Variants in PARVB observed in about 807,000 individuals in gnomAD.
The protein encoded by PARVB is beta-parvin.
A neutral mutation model predicts 47.0 loss-of-function variants in PARVB; 46 were observed. The observed-to-expected ratio is 0.98, with a 90% CI of 0.77 to 1.25. PARVB has a LOEUF of 1.25. Among genes scored for constraint, PARVB ranks in the 50% most tolerant of loss-of-function variants. PARVB has a pLI of 0.00. For missense variants in PARVB, 473 were observed against 471.6 expected (o/e 1.00, Z -0.03); for synonymous variants, 196 against 196.3 (o/e 1.00, Z 0.01).
At chr22:44,083,472 T>C (rs917708166) in intron 1 of PARVB, among the ~76,000 whole-genome samples, 4 of 151,654 alleles carry the variant, frequency 2.6e-5, no homozygotes, top group Non-Finnish European at 5.9e-5. Flanking sequence ...GGGAATAGGG[T>C]TTGTCATTGT....
chr22:44,015,561 G>A (rs2050567474), intron 2 of PARVB, among the ~76,000 whole-genome samples: 1 of 152,200 alleles, frequency 6.6e-6, no homozygotes, highest in Non-Finnish European at 1.5e-5. Context: ...ACTCATGCCT[G>A]TAATCCCAGC....
At chr22:44,001,122 C>A (rs762512978) in intron 2 of PARVB, among the ~76,000 whole-genome samples, 6 of 152,036 alleles carry the variant, frequency 3.9e-5, no homozygotes, top group Non-Finnish European at 8.8e-5. Flanking sequence ...TGGTGGTGGG[C>A]GCCTGTAGTC....
At chr22:44,012,071 C>T (rs975228276) in intron 2 of PARVB, among the ~76,000 whole-genome samples, 1 of 152,204 alleles carries the variant, frequency 6.6e-6, no homozygotes, top group Non-Finnish European at 1.5e-5. Flanking sequence ...CCCATTTTCT[C>T]ATAGCTGGTC....
intron 5 of PARVB, 121 bp from the exon 6 acceptor site, chr22:44,132,773 G>A (rs560469372): frequency 2.7e-5 from 17 of 633,524 alleles, no homozygotes; most frequent in South Asian, 2.1e-4. Flanking sequence ...TCCACACTTC[G>A]CTCCATCCTT....
At chr22:44,048,047 C>T (rs2051144655) in intron 1 of PARVB, among the ~76,000 whole-genome samples, 1 of 152,042 alleles carries the variant, frequency 6.6e-6, no homozygotes, top group South Asian at 2.1e-4. Flanking sequence ...GACCAGTGGG[C>T]GGGATGGGGC....
chr22:44,023,380 G>A (rs1018915517), upstream of PARVB, among the ~76,000 whole-genome samples: 14 of 151,904 alleles, frequency 9.2e-5, no homozygotes, highest in Non-Finnish European at 1.3e-4. Context: ...TCGTGGTGGC[G>A]TGCACCTGTA....
intron 1 of PARVB, chr22:44,069,279 C>A: frequency 1.1e-6 from 1 of 913,366 alleles, no homozygotes. Context: ...TGGGTGGCTG[C>A]TTGACTTTTC....
chr22:44,064,337 C>T (rs2051478050), intron 1 of PARVB, among the ~76,000 whole-genome samples: 1 of 152,196 alleles, frequency 6.6e-6, no homozygotes, highest in Non-Finnish European at 1.5e-5. Flanking sequence ...GCGCCGTGCC[C>T]AGGTGGAGGC....
chr22:44,008,226 C>T (rs1038805132), intron 2 of PARVB, among the ~76,000 whole-genome samples: 7 of 152,042 alleles, frequency 4.6e-5, no homozygotes, highest in African/African-American at 7.2e-5. Context: ...TTAGCACCCC[C>T]GCCCGCCTCC....
chr22:44,055,386 C>A (rs920403645), intron 1 of PARVB, among the ~76,000 whole-genome samples: 4 of 151,612 alleles, frequency 2.6e-5, no homozygotes, highest in Admixed American at 2.6e-4. Flanking sequence ...TGTCGCCAGG[C>A]TGGAATGGTG....
intron 1 of PARVB, among the ~76,000 whole-genome samples, chr22:44,027,357 A>G (rs2050747776): frequency 6.6e-6 from 1 of 152,218 alleles, no homozygotes; most frequent in Non-Finnish European, 1.5e-5. Context: ...GGAAGTCCTC[A>G]GAGGCGGATG....
intron 8 of PARVB, 34 bp from the exon 9 acceptor site, chr22:44,147,827 A>G (rs1404628848): frequency 6.2e-7 from 1 of 1,603,858 alleles, no homozygotes; most frequent in African/African-American, 1.3e-5. Flanking sequence ...GTTTCCATAA[A>G]CGCTCCTTCG....
intron 9 of PARVB, chr22:44,149,221 A>G (rs2053750788): frequency 6.6e-6 from 1 of 152,116 alleles, no homozygotes; most frequent in Non-Finnish European, 1.5e-5. Context: ...AGCATTGAGA[A>G]TGGTGTGGCC....
chr22:44,026,720 C>A (rs2050736189), intron 1 of PARVB, among the ~76,000 whole-genome samples: 1 of 152,086 alleles, frequency 6.6e-6, no homozygotes, highest in South Asian at 2.1e-4. Flanking sequence ...TTTCCACGAC[C>A]CTGCCTGCTG....
At chr22:44,138,589 A>G (rs1453824682) in intron 7 of PARVB, among the ~76,000 whole-genome samples, 2 of 152,172 alleles carry the variant, frequency 1.3e-5, no homozygotes, top group Non-Finnish European at 2.9e-5. Flanking sequence ...GCTGAAAACC[A>G]GCGGCCCAAA....
chr22:44,026,173 TG>T, intron 1 of PARVB: 1 of 260,156 alleles, frequency 3.8e-6, no homozygotes, highest in Non-Finnish European at 6.0e-6. Flanking sequence ...AGTAATGGAC[TG>T]GGCCCAAATT....
intron 2 of PARVB, among the ~76,000 whole-genome samples, chr22:44,006,532 G>A (rs974842382): frequency 6.6e-6 from 1 of 152,244 alleles, no homozygotes; most frequent in Non-Finnish European, 1.5e-5. Flanking sequence ...GGCTGAGGCA[G>A]GGGAATCACT....
chr22:44,116,499 G>A (rs1392192346), intron 3 of PARVB, among the ~76,000 whole-genome samples: 1 of 152,200 alleles, frequency 6.6e-6, no homozygotes, highest in Non-Finnish European at 1.5e-5. Flanking sequence ...CGTCTGTCCT[G>A]TTTGTCACCA....
rs1176876320 is a variant in PARVB, at chr22:44,099,948, T to G, written c.203-105T>G. ...GCAGTCACCCTCCCCTAGTGCTGGG[T>G]TCTCTGCTTCTCCATTTGTCAGAGA... On this transcript the variant is annotated intron_variant, in intron 2 of 12. Transcript: ENST00000338758. The G allele has an allele frequency of 4.4e-6, 4 of 906,212 alleles. No homozygotes were observed. In the African/African-American group the frequency reaches 4.9e-5, roughly 11 times the overall value. 56.1% of individuals were successfully genotyped at this position (906,212 alleles called of 1,614,324 possible). A position where few individuals can be genotyped will look rare whatever the true frequency, so the allele number is the denominator to read the frequency against.
Sources: allele counts gnomAD v4.1 joint callset (sites outside exome capture counted in the v4.1 genomes callset), GRCh38; gene constraint gnomAD v4.1.1; transcripts MANE v1.5; gene names NCBI Gene and HGNC (gene_info 2026-07-23, HGNC 2026-07-21).